Variants in KALRN observed in about 807,000 individuals in gnomAD.
KALRN encodes the protein kalirin.
Under a neutral mutation model 353.7 loss-of-function variants are expected in KALRN, and 70 were observed. That is an observed-to-expected ratio of 0.20 (90% confidence interval 0.16 to 0.24). The LOEUF is 0.24. KALRN is among the 10% of genes least tolerant of loss of function. KALRN has a pLI of 1.00. For missense variants in KALRN, 2,791 were observed against 3,756.7 expected, an observed-to-expected ratio of 0.74 and a Z score of 6.72; for synonymous variants, 1,391 against 1,434.8, an observed-to-expected ratio of 0.97 and a Z score of 0.69.
chr3:124,551,558 C>T (rs549464959), intron 33 of KALRN, among the ~76,000 whole-genome samples: 3 of 152,252 alleles, frequency 2.0e-5, no homozygotes, highest in South Asian at 2.1e-4. Flanking sequence ...CCTAGCTAAG[C>T]GGGCGTGAAG....
chr3:124,395,528 A>G, intron 12 of KALRN, 185 bp downstream of exon 12: 1 of 553,894 alleles, frequency 1.8e-6, no homozygotes, highest in Non-Finnish European at 3.2e-6. Context: ...TAGTAAATGG[A>G]AAAGCTTTAA....
chr3:124,667,091 G>A lies in KALRN; in HGVS notation c.6611G>A (p.Arg2204Lys). ...FALMNRETSE[R>K]VVLQAANADI... ...CTCATGAACAGAGAGACTTCTGAGA[G>A]GGTTGTTCTGCAAGCCGCCAACGCT... The change falls in exon 47 of 60, where the codon AGG becomes AAG. Residue 2204 changes from arginine to lysine, a missense_variant. Arg to Lys is a conservative substitution (Grantham distance 26). Coordinates refer to ENST00000682506, the MANE Select transcript of KALRN (RefSeq NM_001388419.1). 6.2e-7 allele frequency: 1 copy of A among 1,614,212 alleles called. No individual in the cohort carries two copies. The highest frequency in any genetic ancestry group is 1.1e-5 in the South Asian group (1 of 91,086).
chr3:124,667,278 C>A, intron 47 of KALRN, 95 bp downstream of exon 47: 1 of 1,118,916 alleles, frequency 8.9e-7, no homozygotes, highest in Admixed American at 2.9e-5. Context: ...GTTATGAACC[C>A]AGATCACATT....
At chr3:124,347,112 G>T (rs1297957961) in intron 9 of KALRN, 31 bp from the exon 10 acceptor site, 1 of 1,613,492 alleles carries the variant, frequency 6.2e-7, no homozygotes, top group South Asian at 1.1e-5. Context: ...CTGCTAGAAA[G>T]TCATTGTTGC....
intron 15 of KALRN, among the ~76,000 whole-genome samples, chr3:124,428,049 A>G (rs1384412717): frequency 6.6e-6 from 1 of 152,194 alleles, no homozygotes; most frequent in Non-Finnish European, 1.5e-5. Context: ...AAATTAGTAG[A>G]ACCAACATTT....
At chr3:124,299,293 AT>A (rs2077081840) in intron 6 of KALRN, among the ~76,000 whole-genome samples, 1 of 152,164 alleles carries the variant, frequency 6.6e-6, no homozygotes, top group Admixed American at 6.5e-5. Flanking sequence ...CACATTGGAA[AT>A]GGTTGAGTGA....
At chr3:124,183,440 T>C (rs2073863747) in intron 1 of KALRN, among the ~76,000 whole-genome samples, 1 of 152,102 alleles carries the variant, frequency 6.6e-6, no homozygotes. Context: ...CCAGATCTCA[T>C]GAGAACTAAC....
In KALRN at chr3:124,666,528, G is replaced by T. The variant is rs368791560; in HGVS notation, c.6425G>T (p.Arg2142Leu). ...VIELDAGMQSRTKERRVFLFE... is the reference protein window; with the variant it reads ...VIELDAGMQSLTKERRVFLFE... Reference sequence around the variant, plus strand: ...GAGCTGGATGCAGGCATGCAGTCCCGGACCAAAGAGAGGCGCGTGTTCCTC... The same window carrying T: ...GAGCTGGATGCAGGCATGCAGTCCCTGACCAAAGAGAGGCGCGTGTTCCTC... Residue 2142 changes from arginine to leucine, a missense_variant, in exon 46 of 60, where the codon CGG becomes CTG. Coordinates refer to ENST00000682506, the MANE Select transcript of KALRN (RefSeq NM_001388419.1). 1 of 1,613,952 alleles carries T rather than the reference G, an allele frequency of 6.2e-7. No individual in the cohort carries two copies. The highest frequency in any genetic ancestry group is 1.3e-5 in the African/African-American group (1 of 75,022).
intron 5 of KALRN, among the ~76,000 whole-genome samples, chr3:124,297,058 T>C (rs2076905454): frequency 6.6e-6 from 1 of 152,244 alleles, no homozygotes; most frequent in Non-Finnish European, 1.5e-5. Context: ...ATGTCAACTT[T>C]CCACATTAGC....
At chr3:124,187,336 C>T (rs1250658374) in intron 1 of KALRN, among the ~76,000 whole-genome samples, 1 of 152,200 alleles carries the variant, frequency 6.6e-6, no homozygotes, top group East Asian at 1.9e-4. Context: ...CCTGCCTTGG[C>T]CTCCCAAAGT....
intron 1 of KALRN, among the ~76,000 whole-genome samples, chr3:124,220,887 G>T (rs2077832987): frequency 6.6e-6 from 1 of 152,190 alleles, no homozygotes; most frequent in Non-Finnish European, 1.5e-5. Flanking sequence ...TATCCTCAAA[G>T]ATAAAGCAGA....
intron 34 of KALRN, among the ~76,000 whole-genome samples, chr3:124,568,969 A>T (rs2073189874): frequency 1.3e-5 from 2 of 152,316 alleles, no homozygotes; most frequent in African/African-American, 4.8e-5. Context: ...ACACTTAAAA[A>T]TGGTGAGAAT....
chr3:124,300,682 C>G (rs1273400201), intron 6 of KALRN, among the ~76,000 whole-genome samples: 1 of 152,176 alleles, frequency 6.6e-6, no homozygotes, highest in Non-Finnish European at 1.5e-5. Context: ...GTGAACAGCT[C>G]TAATGACTAG....
intron 34 of KALRN, among the ~76,000 whole-genome samples, chr3:124,628,995 G>A (rs930355129): frequency 5.3e-5 from 8 of 152,174 alleles, no homozygotes; most frequent in African/African-American, 1.9e-4. Context: ...CTAGGGCAAA[G>A]TCATTATAGG....
At chr3:124,246,470 T>C (rs540324319) in intron 3 of KALRN, among the ~76,000 whole-genome samples, 1 of 152,326 alleles carries the variant, frequency 6.6e-6, no homozygotes, top group African/African-American at 2.4e-5. Flanking sequence ...TGTTTTTTTT[T>C]GCCCTTGGTG....
At chr3:124,172,509 A>G (rs1239633804) in intron 1 of KALRN, among the ~76,000 whole-genome samples, 1 of 152,214 alleles carries the variant, frequency 6.6e-6, no homozygotes, top group African/African-American at 2.4e-5. Context: ...ATTTGGATAC[A>G]CAAGGCCAGG....
At chr3:124,257,443 AG>A (rs1160753701) in intron 3 of KALRN, among the ~76,000 whole-genome samples, 1 of 152,240 alleles carries the variant, frequency 6.6e-6, no homozygotes, top group Non-Finnish European at 1.5e-5. Context: ...AAGTGGTGAA[AG>A]TGCTTTTCTG....
chr3:124,719,850 C>T lies in KALRN; in HGVS notation c.*380C>T, dbSNP rs1265989401. ...TCTCTGGCTTTGCTGAAATTTTAAGCAAGAAGTTCTATTTAATGGAGATGT... is the reference window on the plus strand; with the variant it reads ...TCTCTGGCTTTGCTGAAATTTTAAGTAAGAAGTTCTATTTAATGGAGATGT... On this transcript the variant is annotated 3_prime_UTR_variant, in exon 60 of 60. Transcript: ENST00000682506. This position sits in a 1 kb window ranked among gnomAD's most constrained non-coding sequence, Gnocchi z 5.3. 5.2e-6 allele frequency: 1 copy of T among 193,880 alleles called. No individual in the cohort carries two copies. Among genetic ancestry groups the T allele is most frequent in the East Asian group, 1.2e-4 (1 of 8,084 alleles). 12.0% of individuals were successfully genotyped at this position (193,880 alleles called of 1,614,324 possible). A position where few individuals can be genotyped will look rare whatever the true frequency, so the allele number is the denominator to read the frequency against.
At chr3:124,352,168 C>T (rs1316127739) in intron 10 of KALRN, among the ~76,000 whole-genome samples, 1 of 152,206 alleles carries the variant, frequency 6.6e-6, no homozygotes, top group Non-Finnish European at 1.5e-5. Context: ...TTAAGAGACA[C>T]ATATTTTAAG....
Sources: gnomAD v4.1 joint callset for allele counts (sites outside exome capture counted in the v4.1 genomes callset) on GRCh38, gnomAD v4.1.1 for gene constraint, Gnocchi (gnomAD v3.1) non-coding constraint, MANE v1.5 for transcripts, NCBI Gene and HGNC (gene_info 2026-07-23, HGNC 2026-07-21) for gene names.